NRG1: variants seen among roughly 807,000 people sequenced by gnomAD.
NRG1 encodes neuregulin 1.
In NRG1, 18 loss-of-function variants were observed where a neutral mutation model predicts 63.8. That is an observed-to-expected ratio of 0.28 (90% CI 0.19 to 0.42). The LOEUF (loss-of-function observed/expected upper bound fraction) is 0.42, where lower values mean the gene tolerates loss of function less well. Ranked by LOEUF, NRG1 falls within the 10% of genes least tolerant of loss-of-function variation. The probability of loss-of-function intolerance (pLI) is 1.00; values close to 1 mark genes in which losing one functional copy is unlikely to be tolerated. For synonymous variants in NRG1, 302 were observed against 301.3 expected, an observed-to-expected ratio of 1.00 and a Z score of -0.02; for missense variants, 762 against 814.7, an observed-to-expected ratio of 0.94 and a Z score of 0.79.
At chr8:32,586,638 A>G (rs1841666700) in intron 1 of NRG1, among the ~76,000 whole-genome samples, 1 of 152,146 alleles carries the variant, frequency 6.6e-6, no homozygotes, top group Admixed American at 6.6e-5. Flanking sequence ...AAAACTAGGT[A>G]TGGTAAAAAG....
intron 1 of NRG1, among the ~76,000 whole-genome samples, chr8:31,907,288 GA>G (rs1489874597): frequency 6.6e-6 from 1 of 151,542 alleles, no homozygotes; most frequent in African/African-American, 2.4e-5. Flanking sequence ...AAAAGACTGG[GA>G]ATTGATAATA....
chr8:32,220,012 C>G (rs1845644271), intron 1 of NRG1, among the ~76,000 whole-genome samples: 1 of 151,962 alleles, frequency 6.6e-6, no homozygotes, highest in Admixed American at 6.6e-5. Flanking sequence ...TTGGAGAATG[C>G]CATGAAGGGC....
In NRG1 at chr8:31,708,169, C is replaced by G. The variant is rs554036301; in HGVS notation, c.37+68738C>G. 9.8e-5 allele frequency among the ~76,000 whole-genome samples: 15 copies of G among 152,288 alleles called. No homozygotes were observed. The South Asian group carries it at 3.1e-3, about 32-fold the overall frequency. On this transcript the variant is annotated intron_variant, in intron 1 of 10. Coordinates refer to the NRG1 transcript ENST00000519301. ...GCTTGTATTTAAGCCTTACTTGTATCACCTAGTGATTCATGTGTGCCCATG... is the reference window on the plus strand; with the variant it reads ...GCTTGTATTTAAGCCTTACTTGTATGACCTAGTGATTCATGTGTGCCCATG...
intron 1 of NRG1, among the ~76,000 whole-genome samples, chr8:32,520,483 A>G (rs1830236359): frequency 6.6e-6 from 1 of 152,110 alleles, no homozygotes; most frequent in Non-Finnish European, 1.5e-5. Flanking sequence ...TACCTGTACA[A>G]TGGGGATAAG....
chr8:31,987,631 C>T (rs768508323), intron 1 of NRG1, among the ~76,000 whole-genome samples: 12 of 151,872 alleles, frequency 7.9e-5, no homozygotes. Flanking sequence ...AAAAAAGCTA[C>T]CTATCCGGTA....
chr8:32,169,157 A>G (rs1390425833), intron 1 of NRG1, among the ~76,000 whole-genome samples: 1 of 152,180 alleles, frequency 6.6e-6, no homozygotes, highest in Non-Finnish European at 1.5e-5. Context: ...CCATCTAGAA[A>G]AGAGCATCTC....
chr8:31,666,566 A>G (rs907333352), intron 1 of NRG1, among the ~76,000 whole-genome samples: 2 of 152,278 alleles, frequency 1.3e-5, no homozygotes, highest in Non-Finnish European at 2.9e-5. Flanking sequence ...TTTCTCTGGC[A>G]AAACATTCAC....
At chr8:32,046,596 T>C (rs1821038962) in intron 1 of NRG1, among the ~76,000 whole-genome samples, 1 of 152,112 alleles carries the variant, frequency 6.6e-6, no homozygotes, top group Non-Finnish European at 1.5e-5. Flanking sequence ...TCTGACTACT[T>C]CTTGTCAATT....
chr8:31,701,709 A>G (rs1466410939), intron 1 of NRG1, among the ~76,000 whole-genome samples: 3 of 152,186 alleles, frequency 2.0e-5, no homozygotes, highest in African/African-American at 2.4e-5. Flanking sequence ...TTTCTTTTGA[A>G]GCTGCCTTCC....
intron 1 of NRG1, among the ~76,000 whole-genome samples, chr8:31,878,738 T>C (rs769654227): frequency 2.6e-5 from 4 of 152,088 alleles, no homozygotes; most frequent in Non-Finnish European, 5.9e-5. Context: ...GGAATCGAGG[T>C]CCTTGAGGCC....
At chr8:32,229,895 A>G (rs754592797) in intron 1 of NRG1, among the ~76,000 whole-genome samples, 3 of 151,902 alleles carry the variant, frequency 2.0e-5, no homozygotes, top group Non-Finnish European at 4.4e-5. Context: ...GTAGAGGTGG[A>G]TGGCACTGCT....
intron 1 of NRG1, among the ~76,000 whole-genome samples, chr8:31,756,982 A>G (rs1487560818): frequency 2.0e-5 from 3 of 152,178 alleles, no homozygotes; most frequent in Non-Finnish European, 2.9e-5. Flanking sequence ...GGGGCCAGAC[A>G]TATTCAAAGT....
At chr8:32,714,726 T>C (rs2128990324) in intron 5 of NRG1, among the ~76,000 whole-genome samples, 1 of 152,330 alleles carries the variant, frequency 6.6e-6, no homozygotes, top group East Asian at 1.9e-4. Flanking sequence ...GGATGCACTT[T>C]GATTTTTCCA....
At chr8:32,646,625 A>T (rs938247747) in intron 5 of NRG1, 8 of 927,486 alleles carry the variant, frequency 8.6e-6, no homozygotes, top group Non-Finnish European at 1.0e-5. Context: ...ACAGTGGGTG[A>T]AGGAAAGAGA....
intron 1 of NRG1, among the ~76,000 whole-genome samples, chr8:31,999,257 C>A (rs1812532985): frequency 1.3e-5 from 2 of 151,822 alleles, no homozygotes; most frequent in Non-Finnish European, 2.9e-5. Flanking sequence ...TGTTTAAATT[C>A]CAGATCCTCA....
intron 1 of NRG1, among the ~76,000 whole-genome samples, chr8:32,448,484 A>T (rs1820547559): frequency 1.3e-5 from 2 of 151,968 alleles, no homozygotes; most frequent in Admixed American, 1.3e-4. Context: ...GATTGGAATT[A>T]CTCTTTTAGC....
intron 5 of NRG1, among the ~76,000 whole-genome samples, chr8:32,649,527 C>T (rs990162971): frequency 2.6e-5 from 4 of 152,150 alleles, no homozygotes; most frequent in Admixed American, 2.0e-4. Flanking sequence ...AGAGAGTTGA[C>T]AATTTCTCTG....
intron 1 of NRG1, among the ~76,000 whole-genome samples, chr8:31,678,248 A>T (rs957177769): frequency 2.0e-5 from 3 of 152,082 alleles, no homozygotes; most frequent in Non-Finnish European, 4.4e-5. Context: ...AAGGCTACAT[A>T]CTTATTCTAT....
intron 1 of NRG1, among the ~76,000 whole-genome samples, chr8:32,568,592 G>A (rs1837910829): frequency 6.6e-6 from 1 of 152,158 alleles, no homozygotes; most frequent in South Asian, 2.1e-4. Context: ...CGTGGGTAGT[G>A]CAAATCCCCT....
Sources: gnomAD v4.1 joint callset for allele counts (sites outside exome capture counted in the v4.1 genomes callset) on GRCh38, gnomAD v4.1.1 for gene constraint, MANE v1.5 for transcripts, NCBI Gene and HGNC (gene_info 2026-07-23, HGNC 2026-07-21) for gene names.